PCED1B: variants seen among roughly 807,000 people sequenced by gnomAD.
The protein encoded by PCED1B is PC-esterase domain-containing protein 1B.
For missense variants in PCED1B, 573 were observed against 573.9 expected (o/e 1.00, Z 0.02); for synonymous variants, 251 against 246.1 (o/e 1.02, Z -0.19).
chr12:47,172,019 A>G (rs1379143075), intron 2 of PCED1B, among the ~76,000 whole-genome samples: 1 of 152,160 alleles, frequency 6.6e-6, no homozygotes. Flanking sequence ...CTTGGAGTTC[A>G]GAAATCTTAC....
rs575735082 is a variant in PCED1B, at chr12:47,169,409, C to G, written c.-525-46813C>G. Among the ~76,000 whole-genome samples, 131 of 152,010 alleles carry G rather than the reference C, an allele frequency of 8.6e-4. 1 individual carries two copies. Among genetic ancestry groups the G allele is most frequent in the Non-Finnish European group, 1.6e-3 (107 of 67,990 alleles). ...GGGGAGAAGAAAGTGTCAGAGTGTC[C>G]TTTCTGTACCTGCCATTTTTCAGAT... is the stretch of plus-strand genomic sequence containing the variant. On this transcript the variant is annotated intron_variant, in intron 2 of 3. Transcript: ENST00000546455.
In PCED1B at chr12:47,139,553, G is replaced by C. The variant is rs550133867; in HGVS notation, c.-526+35358G>C. On this transcript the variant is annotated intron_variant, in intron 2 of 3. Coordinates refer to ENST00000546455, the MANE Select transcript of PCED1B (RefSeq NM_138371.3). ...AGGCGTAGCTCAAGTACAGTGAAAA[G>C]GGGAGAGAGAGTTGGAAATAAGGTC... Among the ~76,000 whole-genome samples the C allele has an allele frequency of 2.6e-5, 4 of 152,278 alleles. No homozygotes were observed. In the East Asian group the frequency reaches 7.7e-4, roughly 29 times the overall value.
intron 1 of PCED1B, among the ~76,000 whole-genome samples, chr12:47,086,628 G>A (rs371219141): frequency 6.6e-6 from 1 of 152,294 alleles, no homozygotes; most frequent in East Asian, 1.9e-4. Context: ...AAAACTCAGT[G>A]TGTCAAAACT....
At chr12:47,129,626 C>T (rs1261423385) in intron 2 of PCED1B, among the ~76,000 whole-genome samples, 1 of 152,056 alleles carries the variant, frequency 6.6e-6, no homozygotes, top group Admixed American at 6.5e-5. Context: ...AAAAGAGTGG[C>T]ATGCCCCCTT....
intron 2 of PCED1B, among the ~76,000 whole-genome samples, chr12:47,125,822 G>T (rs1023924757): frequency 6.6e-5 from 10 of 151,998 alleles, no homozygotes; most frequent in Non-Finnish European, 1.2e-4. Context: ...CCAGTGCATA[G>T]AAATACAATT....
chr12:47,173,418 TA>T (rs1449028403), intron 2 of PCED1B, among the ~76,000 whole-genome samples: 2 of 152,142 alleles, frequency 1.3e-5, no homozygotes, highest in Non-Finnish European at 2.9e-5. Flanking sequence ...CACGCCCAGC[TA>T]ATTTTTGTAT....
At chr12:47,180,876 G>A (rs1489282627) in intron 2 of PCED1B, among the ~76,000 whole-genome samples, 1 of 152,152 alleles carries the variant, frequency 6.6e-6, no homozygotes, top group African/African-American at 2.4e-5. Context: ...AGGTCAACTG[G>A]TTTTTTATTC....
At chr12:47,113,498 T>C (rs539483623) in intron 2 of PCED1B, among the ~76,000 whole-genome samples, 47 of 152,298 alleles carry the variant, frequency 3.1e-4, no homozygotes, top group Admixed American at 2.9e-3. Context: ...ACTGCATTGT[T>C]CCATACTGAT....
chr12:47,220,208 A>G (rs965977874), intron 3 of PCED1B, among the ~76,000 whole-genome samples: 23 of 152,032 alleles, frequency 1.5e-4, no homozygotes, highest in East Asian at 3.9e-4. Flanking sequence ...GTCTCATTCT[A>G]TTGTCCAAGC....
At chr12:47,213,187 C>T (rs1943146224) in intron 2 of PCED1B, among the ~76,000 whole-genome samples, 2 of 152,230 alleles carry the variant, frequency 1.3e-5, no homozygotes, top group Middle Eastern at 3.4e-3. Context: ...GTTACTAAAT[C>T]GAACTCATGA....
chr12:47,094,354 T>C lies in PCED1B; in HGVS notation c.-608-9759T>C, dbSNP rs188505704. 2.0e-3 allele frequency among the ~76,000 whole-genome samples: 298 copies of C among 152,308 alleles called. 2 individuals are homozygous for C. Among genetic ancestry groups the C allele is most frequent in the African/African-American group, 6.8e-3 (283 of 41,572 alleles). On this transcript the variant is annotated intron_variant, in intron 1 of 3. Transcript: ENST00000546455. ...GATTTGAAGATTTGGGTTTGTTTTTTATCTAATCTGACAGTATTTTACTTC... is the reference window on the plus strand; with the variant it reads ...GATTTGAAGATTTGGGTTTGTTTTTCATCTAATCTGACAGTATTTTACTTC...
intron 3 of PCED1B, among the ~76,000 whole-genome samples, chr12:47,220,969 A>G (rs1356103294): frequency 1.3e-5 from 2 of 152,214 alleles, no homozygotes; most frequent in African/African-American, 2.4e-5. Context: ...GCGGGCTTTC[A>G]GAAGATCCCA....
At chr12:47,226,001 C>T (rs1176471087) in intron 3 of PCED1B, among the ~76,000 whole-genome samples, 4 of 152,078 alleles carry the variant, frequency 2.6e-5, no homozygotes, top group African/African-American at 9.7e-5. Context: ...TAATTCATAG[C>T]TTATGAAGCT....
chr12:47,130,406 G>A (rs1304443540), intron 2 of PCED1B, among the ~76,000 whole-genome samples: 1 of 152,122 alleles, frequency 6.6e-6, no homozygotes, highest in Non-Finnish European at 1.5e-5. Context: ...GCTAAATGTG[G>A]TGGCTCACAC....
Position 47,236,647 on chromosome 12 carries a change from C to G in PCED1B, c.*285C>G. 1 of 339,512 alleles carries G rather than the reference C, an allele frequency of 2.9e-6. No individual in the cohort carries two copies. The highest frequency in any genetic ancestry group is 5.6e-6 in the Non-Finnish European group (1 of 179,986). 21.0% of individuals were successfully genotyped at this position (339,512 alleles called of 1,614,324 possible). Reference sequence around the variant, plus strand: ...TGTGTAAAAATAAAATGGAAATAAACAAGTTGCACAGAAGTAGTTGTGGGT... The same window carrying G: ...TGTGTAAAAATAAAATGGAAATAAAGAAGTTGCACAGAAGTAGTTGTGGGT... On this transcript the variant is annotated 3_prime_UTR_variant, in exon 4 of 4. Transcript: ENST00000546455.
intron 2 of PCED1B, among the ~76,000 whole-genome samples, chr12:47,128,181 G>T (rs528572448): frequency 7.1e-4 from 108 of 152,210 alleles, no homozygotes; most frequent in African/African-American, 2.4e-3. Flanking sequence ...ATAATATAGT[G>T]GTATGAGCAC....
At position 47,089,468 on chromosome 12, in the gene PCED1B, ATATATATATATATATATATATATATG is replaced by A. The variant is rs1276439911; in HGVS notation, c.-609+9750_-609+9775del. On this transcript the variant is annotated intron_variant, in intron 1 of 3. Coordinates refer to ENST00000546455, the MANE Select transcript of PCED1B (RefSeq NM_138371.3). ...TCTCAAAAAAAAAAAATACATATAT[ATATATATATATATATATATATATATG>A]TATATACCAAAAAACATACCTACCT... 8.6e-5 allele frequency among the ~76,000 whole-genome samples: 8 copies of A among 93,522 alleles called. 1 individual carries two copies. The East Asian group carries it at 1.6e-3, about 18-fold the overall frequency. 61.4% of individuals were successfully genotyped at this position (93,522 alleles called of 152,430 possible).
intron 1 of PCED1B, among the ~76,000 whole-genome samples, chr12:47,101,138 A>G (rs1051106837): frequency 2.0e-5 from 3 of 152,164 alleles, no homozygotes; most frequent in Non-Finnish European, 4.4e-5. Context: ...ATTCCATTCC[A>G]TCTTAAATAT....
At chr12:47,152,563 T>G (rs9634260) in intron 2 of PCED1B, among the ~76,000 whole-genome samples, 91,165 of 152,078 alleles carry the variant, frequency 0.6, 28,501 homozygotes, top group South Asian at 0.72. Context: ...TTTTAGAGCA[T>G]AAAAAGGATA....
Sources: allele counts gnomAD v4.1 joint callset (sites outside exome capture counted in the v4.1 genomes callset), GRCh38; gene constraint gnomAD v4.1.1; transcripts MANE v1.5; gene names NCBI Gene and HGNC (gene_info 2026-07-23, HGNC 2026-07-21).